The following DRAXIN variants were observed in gnomAD, a reference collection of about 807,000 sequenced individuals.
The protein encoded by DRAXIN is dorsal inhibitory axon guidance protein.
In DRAXIN, 27 loss-of-function variants were observed where a neutral mutation model predicts 33.9. That is an observed-to-expected ratio of 0.80 (90% CI 0.59 to 1.10). The LOEUF (loss-of-function observed/expected upper bound fraction) is 1.10. Among genes scored for constraint, DRAXIN ranks in the 50% least tolerant of loss-of-function variants. The pLI is 0.00. For synonymous variants in DRAXIN, 178 were observed against 194.0 expected, an observed-to-expected ratio of 0.92 and a Z score of 0.69; for missense variants, 371 against 460.8, an observed-to-expected ratio of 0.81 and a Z score of 1.78.
At chr1:11,715,858 G>T (rs1439535461) in intron 6 of DRAXIN, among the ~76,000 whole-genome samples, 2 of 152,150 alleles carry the variant, frequency 1.3e-5, no homozygotes, top group Non-Finnish European at 2.9e-5. Flanking sequence ...CCAGGAAAGT[G>T]GGGGGAATAG....
intron 4 of DRAXIN, among the ~76,000 whole-genome samples, 163 bp from the exon 5 acceptor site, chr1:11,712,177 T>G (rs1641504955): frequency 6.6e-6 from 1 of 152,118 alleles, no homozygotes; most frequent in African/African-American, 2.4e-5. Flanking sequence ...CTTCCATGTT[T>G]CCACTCATGT....
chr1:11,701,312 G>T (rs1378035613), intron 1 of DRAXIN, among the ~76,000 whole-genome samples: 1 of 152,192 alleles, frequency 6.6e-6, no homozygotes, highest in Non-Finnish European at 1.5e-5. Flanking sequence ...GATGGGCTTT[G>T]CCACTTGCCA....
Position 11,719,564 on chromosome 1 carries a change from C to A in DRAXIN, c.938-20C>A, listed in dbSNP as rs773171711. On this transcript the variant is annotated intron_variant, in intron 6 of 6. Transcript: ENST00000294485. The stretch of plus-strand genomic sequence containing the variant: ...ACGGGCCCTTCGCGCCTCTGACCCC[C>A]CTTGCCTCCACTCGCCCAGGGCTGC... The A allele has an allele frequency of 1.4e-5, 22 of 1,598,002 alleles. No homozygotes were observed. The South Asian group carries it at 2.0e-4, about 15-fold the overall frequency.
rs1056898830 is a variant in DRAXIN at position 11,721,402 on chromosome 1, T to G, written c.*1706T>G. ...ACCATTTAAATCCCCCCACTTGGCA[T>G]CTCACTCCTGGCCAACCCTCTGTTC... is the stretch of plus-strand genomic sequence containing the variant. On this transcript the variant is annotated 3_prime_UTR_variant, in exon 7 of 7. Coordinates refer to ENST00000294485, the MANE Select transcript of DRAXIN (RefSeq NM_198545.4). The G allele has an allele frequency of 1.3e-5, 2 of 152,218 alleles. No homozygotes were observed. Among genetic ancestry groups the G allele is most frequent in the Non-Finnish European group, 2.9e-5 (2 of 68,056 alleles). 9.4% of individuals were successfully genotyped at this position (152,218 alleles called of 1,614,324 possible).
intron 6 of DRAXIN, among the ~76,000 whole-genome samples, chr1:11,718,315 CAAAAA>C (rs759545157): frequency 1.1e-5 from 1 of 93,916 alleles, no homozygotes; most frequent in Non-Finnish European, 2.0e-5. Flanking sequence ...AACTCCATCT[CAAAAA>C]AAAAAAAAAA....
intron 1 of DRAXIN, among the ~76,000 whole-genome samples, chr1:11,697,718 A>G (rs990520988): frequency 6.6e-6 from 1 of 152,024 alleles, no homozygotes; most frequent in African/African-American, 2.4e-5. Flanking sequence ...GACCACCGGG[A>G]TTCACTCTCC....
rs550812089 is a variant in DRAXIN, at chr1:11,705,097, C to T, written c.-10-1152C>T. Among the ~76,000 whole-genome samples, 1 of 152,344 alleles carries T rather than the reference C, an allele frequency of 6.6e-6. No homozygotes were observed. The highest frequency in any genetic ancestry group is 1.5e-5 in the Non-Finnish European group (1 of 68,016). ...AAGCAGGGAAACATCACAGGCCCAC[C>T]AACCTTTTCTCAGCCCGGGACAATT... On this transcript the variant is annotated intron_variant, in intron 1 of 6. Transcript: ENST00000294485. This position sits in a 1 kb window ranked among gnomAD's most constrained non-coding sequence, Gnocchi z 4.8.
chr1:11,700,983 G>A (rs1051201920), intron 1 of DRAXIN, among the ~76,000 whole-genome samples: 4 of 152,166 alleles, frequency 2.6e-5, no homozygotes, highest in Non-Finnish European at 5.9e-5. Context: ...AGGCTGTTGT[G>A]GGGGGAGGGG....
At chr1:11,714,013 ACT>A (rs1314547827) in intron 5 of DRAXIN, among the ~76,000 whole-genome samples, 5 of 151,934 alleles carry the variant, frequency 3.3e-5, no homozygotes, top group Admixed American at 6.6e-5. Context: ...ACAGAGCGAG[ACT>A]CTGTCTCAAA....
chr1:11,688,357 C>T (rs1640998854), upstream of DRAXIN, among the ~76,000 whole-genome samples: 1 of 152,126 alleles, frequency 6.6e-6, no homozygotes, highest in African/African-American at 2.4e-5. The surrounding 1 kb of genome is among the most constrained non-coding windows in gnomAD (Gnocchi z 4.6). Flanking sequence ...GTCAGGATAT[C>T]GAGACCATCC....
intron 3 of DRAXIN, among the ~76,000 whole-genome samples, chr1:11,710,095 G>A (rs1007598064): frequency 3.3e-5 from 5 of 151,394 alleles, no homozygotes; most frequent in African/African-American, 7.3e-5. Context: ...TGAGGCAGGA[G>A]AATCGCTTGA....
rs1377763316 is a variant in DRAXIN at position 11,694,502 on chromosome 1, G to A, written c.-11+2649G>A. ...GAACGAAGTGGCTCACCCCAGCCGT[G>A]CAGATTGGGTTTGAAGCCCAGCTGA... On this transcript the variant is annotated intron_variant, in intron 1 of 6. Coordinates refer to ENST00000294485, the MANE Select transcript of DRAXIN (RefSeq NM_198545.4). The surrounding 1 kb of genome is among the most constrained non-coding windows in gnomAD (Gnocchi z 4.9). Among the ~76,000 whole-genome samples the A allele has an allele frequency of 1.3e-5, 2 of 152,332 alleles. No homozygotes were observed. Among genetic ancestry groups the A allele is most frequent in the Admixed American group, 1.3e-4 (2 of 15,300 alleles).
chr1:11,717,013 G>T (rs1641588061), intron 6 of DRAXIN, among the ~76,000 whole-genome samples: 2 of 152,242 alleles, frequency 1.3e-5, no homozygotes, highest in South Asian at 4.1e-4. Context: ...GGCCGAGCAT[G>T]GTGGCTCATG....
chr1:11,702,597 TCACGCTTACACATGATCATAGTACA>T (rs1175467214), intron 1 of DRAXIN, among the ~76,000 whole-genome samples: 1 of 149,572 alleles, frequency 6.7e-6, no homozygotes, highest in African/African-American at 2.5e-5. Context: ...CCATACATAT[TCACGCTTACACATGATCATAGTACA>T]CACACACACA....
chr1:11,722,216 G>C lies in DRAXIN; in HGVS notation c.*2520G>C, dbSNP rs1641667501. 1 of 152,246 alleles carries C rather than the reference G, an allele frequency of 6.6e-6. No individual in the cohort carries two copies. Among genetic ancestry groups the C allele is most frequent in the Non-Finnish European group, 1.5e-5 (1 of 68,060 alleles). 9.4% of individuals were successfully genotyped at this position (152,246 alleles called of 1,614,324 possible). On this transcript the variant is annotated 3_prime_UTR_variant, in exon 7 of 7. Transcript: ENST00000294485. Reference sequence around the variant, plus strand: ...ACATGCTGTGTGTGCCTCACATTAAGTGGTGACTCGGGACTGTGCTGGCTC... The same window carrying C: ...ACATGCTGTGTGTGCCTCACATTAACTGGTGACTCGGGACTGTGCTGGCTC...
chr1:11,725,400 G>C lies in DRAXIN; in HGVS notation c.*5704G>C, dbSNP rs1641731495. The stretch of plus-strand genomic sequence containing the variant: ...TACTGAGCCAGAATCTCTGGGGGTG[G>C]GGCCCAGCCATTTGGCTTTTCACAA... On this transcript the variant is annotated 3_prime_UTR_variant, in exon 7 of 7. Transcript: ENST00000294485. 1 of 152,216 alleles carries C rather than the reference G, an allele frequency of 6.6e-6. No homozygotes were observed. The highest frequency in any genetic ancestry group is 2.4e-5 in the African/African-American group (1 of 41,456). 9.4% of individuals were successfully genotyped at this position (152,216 alleles called of 1,614,324 possible).
intron 2 of DRAXIN, among the ~76,000 whole-genome samples, chr1:11,708,992 G>C (rs151143748): frequency 6.6e-6 from 1 of 152,144 alleles, no homozygotes; most frequent in Non-Finnish European, 1.5e-5. Context: ...ATCTGGCTGC[G>C]CCCAGCCAAT....
chr1:11,697,054 A>C (rs553315959), intron 1 of DRAXIN, among the ~76,000 whole-genome samples: 14 of 152,102 alleles, frequency 9.2e-5, no homozygotes, highest in South Asian at 4.1e-4. Context: ...AAAAAAAAAA[A>C]AAAAACAACT....
upstream of DRAXIN, among the ~76,000 whole-genome samples, chr1:11,687,055 A>AT (rs999445253): frequency 1.3e-5 from 2 of 151,552 alleles, no homozygotes; most frequent in African/African-American, 2.4e-5. This position sits in a 1 kb window ranked among gnomAD's most constrained non-coding sequence, Gnocchi z 4.1. Context: ...GGATTGTCCA[A>AT]TTTTTTTATT....
Sources: gnomAD v4.1 joint callset for allele counts (sites outside exome capture counted in the v4.1 genomes callset) on GRCh38, gnomAD v4.1.1 for gene constraint, Gnocchi (gnomAD v3.1) non-coding constraint, MANE v1.5 for transcripts, NCBI Gene and HGNC (gene_info 2026-07-23, HGNC 2026-07-21) for gene names.